EVC2: variants seen among roughly 807,000 people sequenced by gnomAD.
EVC2 encodes the protein EvC ciliary complex subunit 2.
Under a neutral mutation model 149.3 loss-of-function variants are expected in EVC2, and 148 were observed. The ratio of observed to expected loss-of-function variants is 0.99; its 90% CI spans 0.87 to 1.14. The LOEUF is 1.14. Ranked by LOEUF, EVC2 falls within the 50% of genes most tolerant of loss-of-function variation. EVC2 has a pLI of 0.00. For synonymous variants in EVC2, 776 were observed against 649.9 expected, an observed-to-expected ratio of 1.19 and a Z score of -2.95; for missense variants, 1,854 against 1,627.3, an observed-to-expected ratio of 1.14 and a Z score of -2.40.
intron 6 of EVC2, 136 bp from the exon 7 acceptor site, chr4:5,681,449 A>C: frequency 1.1e-6 from 1 of 874,944 alleles, no homozygotes; most frequent in Non-Finnish European, 1.9e-6. Context: ...AGAGCTTGTG[A>C]AGGTCTCACC....
At chr4:5,644,554 C>T (rs1717574088) in intron 9 of EVC2, among the ~76,000 whole-genome samples, 1 of 152,152 alleles carries the variant, frequency 6.6e-6, no homozygotes, top group Non-Finnish European at 1.5e-5. Flanking sequence ...CTGCCCGCCT[C>T]AGCCTCTCAA....
intron 7 of EVC2, among the ~76,000 whole-genome samples, chr4:5,676,258 T>C (rs2151718967): frequency 6.6e-6 from 1 of 152,308 alleles, no homozygotes; most frequent in South Asian, 2.1e-4. Flanking sequence ...AGAAACAATT[T>C]CTTGGGGCCT....
At chr4:5,577,733 T>C (rs1344926079) in intron 17 of EVC2, among the ~76,000 whole-genome samples, 2 of 152,052 alleles carry the variant, frequency 1.3e-5, no homozygotes, top group Non-Finnish European at 2.9e-5. Flanking sequence ...CCCCCAAGCA[T>C]TTGGGTGCTG....
chr4:5,625,734 T>C lies in EVC2; in HGVS notation c.2046+15A>G. 1 of 1,614,122 alleles carries C rather than the reference T, an allele frequency of 6.2e-7. No individual in the cohort carries two copies. The highest frequency in any genetic ancestry group is 8.5e-7 in the Non-Finnish European group (1 of 1,180,026). On this transcript the variant is annotated intron_variant, in intron 13 of 21. Coordinates refer to ENST00000344408, the MANE Select transcript of EVC2 (RefSeq NM_147127.5). The surrounding 1 kb of genome is among the most constrained non-coding windows in gnomAD (Gnocchi z 4.0). ...GTGCCTATGCAAAGAATAAATAGCA[T>C]CATGCCTTATATACCTTTTGTAGCA... is the stretch of plus-strand genomic sequence containing the variant.
Position 5,640,589 on chromosome 4 carries a change from CT to C in EVC2, c.1394del (p.Lys465ArgfsTer10). ...TAECDLETRK[K>X]MENQYQREMM... Reference sequence around the variant, plus strand: ...TCTCTCTCTGGTACTGGTTTTCCATCTTCTTTCTTGTTTCCAGGTCACATTC... The same window carrying C: ...TCTCTCTCTGGTACTGGTTTTCCATCTCTTTCTTGTTTCCAGGTCACATTC... On this transcript the variant is annotated frameshift_variant, in exon 10 of 22. Transcript: ENST00000344408. LOFTEE classifies it high-confidence loss of function. The surrounding 1 kb of genome is among the most constrained non-coding windows in gnomAD (Gnocchi z 4.6). The C allele has an allele frequency of 1.9e-6, 3 of 1,614,138 alleles. No homozygotes were observed. Among genetic ancestry groups the C allele is most frequent in the Non-Finnish European group, 2.5e-6 (3 of 1,180,038 alleles).
intron 14 of EVC2, among the ~76,000 whole-genome samples, chr4:5,619,162 G>A (rs1309805205): frequency 1.3e-5 from 2 of 152,168 alleles, no homozygotes; most frequent in Admixed American, 6.5e-5. Context: ...AGTGAAAATC[G>A]ATTCCATGCT....
chr4:5,565,977 C>A (rs1722257835), intron 20 of EVC2, among the ~76,000 whole-genome samples: 1 of 152,226 alleles, frequency 6.6e-6, no homozygotes, highest in African/African-American at 2.4e-5. Flanking sequence ...GACTTATATA[C>A]TGGCTGCCTC....
chr4:5,640,856 C>A lies in EVC2; in HGVS notation c.1146-18G>T, dbSNP rs200471657. 304 of 1,613,902 alleles carry A rather than the reference C, an allele frequency of 1.9e-4. No individual in the cohort carries two copies. Among genetic ancestry groups the A allele is most frequent in the Non-Finnish European group, 2.4e-4 (280 of 1,179,886 alleles). ...TCTCCAACCTAGGAAACACAAAAAT[C>A]AAAAGAATTCCATTACATGAAATTG... On this transcript the variant is annotated intron_variant, in intron 9 of 21. Coordinates refer to ENST00000344408, the MANE Select transcript of EVC2 (RefSeq NM_147127.5). This position sits in a 1 kb window ranked among gnomAD's most constrained non-coding sequence, Gnocchi z 4.6.
Position 5,568,421 on chromosome 4 carries a change from G to A in EVC2, c.3557+23C>T, listed in dbSNP as rs1439663673. 4.5e-6 allele frequency: 7 copies of A among 1,539,688 alleles called. No individual in the cohort carries two copies. In the South Asian group the frequency reaches 7.1e-5, roughly 16 times the overall value. ...TTGTGGACAGGGACGTGCCCCGGGA[G>A]GCAGCCCCTCCACGGCACTCACCTC... is the stretch of plus-strand genomic sequence containing the variant. On this transcript the variant is annotated intron_variant, in intron 20 of 21. Transcript: ENST00000344408.
chr4:5,685,899 G>T (rs1423064689), intron 5 of EVC2, among the ~76,000 whole-genome samples: 3 of 152,196 alleles, frequency 2.0e-5, no homozygotes, highest in Non-Finnish European at 4.4e-5. Context: ...CCGGGTGGGT[G>T]ATGGAGCCCG....
rs187694803 is a variant in EVC2, at chr4:5,593,960, G to A, written c.2830-9110C>T. The stretch of plus-strand genomic sequence containing the variant: ...GAGGGTCCTACACCCATGGAGTCTC[G>A]CTGATTGCTAGCACGGCAGTCTGAC... On this transcript the variant is annotated intron_variant, in intron 16 of 21. Coordinates refer to ENST00000344408, the MANE Select transcript of EVC2 (RefSeq NM_147127.5). Among the ~76,000 whole-genome samples, 363 of 152,318 alleles carry A rather than the reference G, an allele frequency of 2.4e-3. 2 individuals carry two copies. The highest frequency in any genetic ancestry group is 7.6e-3 in the African/African-American group (315 of 41,578).
chr4:5,543,192 A>G, exon 22 of EVC2: 1 of 1,289,788 alleles, frequency 7.8e-7, no homozygotes, highest in Non-Finnish European at 1.0e-6. Context: ...GTACTGCCAG[A>G]AGCTCTCTTG....
At chr4:5,647,530 T>C (rs1291679546) in intron 9 of EVC2, among the ~76,000 whole-genome samples, 1 of 152,220 alleles carries the variant, frequency 6.6e-6, no homozygotes, top group African/African-American at 2.4e-5. Context: ...ACGAGCGCTT[T>C]GCAGGTTACA....
intron 16 of EVC2, among the ~76,000 whole-genome samples, chr4:5,586,491 G>A (rs1282468648): frequency 1.3e-5 from 2 of 152,132 alleles, no homozygotes; most frequent in Non-Finnish European, 2.9e-5. Context: ...GGCCATGAAG[G>A]GAAGGGGGAG....
chr4:5,635,028 GC>G (rs1462697084), intron 10 of EVC2, among the ~76,000 whole-genome samples: 10 of 92,182 alleles, frequency 1.1e-4, no homozygotes, highest in East Asian at 4.9e-4. Flanking sequence ...CAACAAATGT[GC>G]TTTTTTTTTT....
chr4:5,560,522 C>T (rs13434648), downstream of EVC2, among the ~76,000 whole-genome samples: 1 of 152,076 alleles, frequency 6.6e-6, no homozygotes, highest in African/African-American at 2.4e-5. The surrounding 1 kb of genome is among the most constrained non-coding windows in gnomAD (Gnocchi z 4.1). Context: ...GACTCACTCA[C>T]GAGAACAGTA....
intron 16 of EVC2, among the ~76,000 whole-genome samples, chr4:5,597,986 A>G (rs1713608613): frequency 8.4e-6 from 1 of 118,662 alleles, no homozygotes; most frequent in Non-Finnish European, 1.7e-5. Flanking sequence ...AAAGAGAATA[A>G]AATACCTAGG....
chr4:5,594,716 G>A (rs538217876), intron 16 of EVC2, among the ~76,000 whole-genome samples: 3 of 152,206 alleles, frequency 2.0e-5, no homozygotes, highest in Admixed American at 1.3e-4. Context: ...CAAAGCTGGA[G>A]GGAGAATGAC....
chr4:5,705,888 C>G (rs1722100982), intron 1 of EVC2, among the ~76,000 whole-genome samples: 1 of 152,108 alleles, frequency 6.6e-6, no homozygotes, highest in Admixed American at 6.6e-5. Flanking sequence ...AATGCATTCC[C>G]AGTGGGCATC....
Sources: allele counts gnomAD v4.1 joint callset (sites outside exome capture counted in the v4.1 genomes callset), GRCh38; gene constraint gnomAD v4.1.1; non-coding constraint Gnocchi (gnomAD v3.1); transcripts MANE v1.5; gene names NCBI Gene and HGNC (gene_info 2026-07-23, HGNC 2026-07-21).